MELK: variants seen among roughly 807,000 people sequenced by gnomAD.
MELK encodes pEg3 kinase.
In MELK, 81 loss-of-function variants were observed where a neutral mutation model predicts 85.0. The observed-to-expected ratio is 0.95, with a 90% confidence interval of 0.80 to 1.15. MELK has a LOEUF of 1.15. Among genes scored for constraint, MELK ranks in the 50% most tolerant of loss-of-function variants. The probability of loss-of-function intolerance (pLI) is 0.00; values close to 1 mark genes in which losing one functional copy is unlikely to be tolerated. For missense variants in MELK, 754 were observed against 777.5 expected (o/e 0.97, Z 0.36); for synonymous variants, 252 against 265.0 (o/e 0.95, Z 0.48).
chr9:36,641,503 G>C (rs892031870), intron 10 of MELK, among the ~76,000 whole-genome samples: 1 of 152,128 alleles, frequency 6.6e-6, no homozygotes. Flanking sequence ...CAGGCAGCAG[G>C]AGGGAGATGC....
intron 10 of MELK, among the ~76,000 whole-genome samples, chr9:36,638,199 GTT>G (rs563865141): frequency 6.6e-6 from 1 of 151,672 alleles, no homozygotes; most frequent in Non-Finnish European, 1.5e-5. Context: ...AACCCCAAGA[GTT>G]TTTTTTTATT....
chr9:36,594,860 T>C, intron 5 of MELK, 89 bp downstream of exon 5: 1 of 1,436,378 alleles, frequency 7.0e-7, no homozygotes, highest in Non-Finnish European at 9.3e-7. Flanking sequence ...TAGGAATCTA[T>C]CTTTGGTTTG....
intron 2 of MELK, 46 bp downstream of exon 2, chr9:36,581,785 GA>G: frequency 6.8e-7 from 1 of 1,462,388 alleles, no homozygotes; most frequent in Non-Finnish European, 9.5e-7. Context: ...TCAACTATTT[GA>G]GAGTATAGAT....
chr9:36,611,830 G>T (rs976107426), intron 8 of MELK, among the ~76,000 whole-genome samples: 4 of 151,510 alleles, frequency 2.6e-5, no homozygotes, highest in African/African-American at 9.7e-5. Context: ...CTAGAGTGCA[G>T]TGGTTAGATT....
chr9:36,625,003 G>C (rs1206440751), intron 8 of MELK, among the ~76,000 whole-genome samples: 1 of 152,144 alleles, frequency 6.6e-6, no homozygotes, highest in Non-Finnish European at 1.5e-5. Context: ...TCCTAGGGTT[G>C]TTGTAACAAA....
intron 3 of MELK, among the ~76,000 whole-genome samples, chr9:36,588,632 GC>G (rs1318782647): frequency 2.0e-5 from 3 of 152,102 alleles, no homozygotes; most frequent in Non-Finnish European, 2.9e-5. Context: ...GCCCACCTTA[GC>G]CTCCCAAAGT....
At chr9:36,633,573 A>G (rs1828849532) in intron 10 of MELK, among the ~76,000 whole-genome samples, 1 of 152,236 alleles carries the variant, frequency 6.6e-6, no homozygotes, top group Non-Finnish European at 1.5e-5. Flanking sequence ...CAGAGAAGTT[A>G]TGAGGGTACA....
intron 8 of MELK, among the ~76,000 whole-genome samples, chr9:36,611,558 C>T (rs1037911465): frequency 2.6e-5 from 4 of 152,036 alleles, no homozygotes; most frequent in African/African-American, 9.7e-5. Context: ...ATCAGAATAT[C>T]ATTGAGGTTT....
intron 4 of MELK, among the ~76,000 whole-genome samples, chr9:36,591,130 T>G (rs538200353): frequency 6.6e-6 from 1 of 152,000 alleles, no homozygotes; most frequent in Non-Finnish European, 1.5e-5. Flanking sequence ...GTTGAATGTT[T>G]TGGATCTAGA....
At chr9:36,587,463 C>G (rs1026393145) in intron 3 of MELK, among the ~76,000 whole-genome samples, 1 of 149,486 alleles carries the variant, frequency 6.7e-6, no homozygotes, top group African/African-American at 2.5e-5. Flanking sequence ...ATTACAGGTG[C>G]CTGCCACCAT....
At chr9:36,643,861 G>A (rs1288385878) in intron 11 of MELK, among the ~76,000 whole-genome samples, 1 of 151,288 alleles carries the variant, frequency 6.6e-6, no homozygotes, top group Non-Finnish European at 1.5e-5. Flanking sequence ...GTGAACCTGG[G>A]AGGCGGAGTT....
intron 1 of MELK, among the ~76,000 whole-genome samples, chr9:36,579,757 T>A (rs1822008531): frequency 6.6e-6 from 1 of 152,226 alleles, no homozygotes; most frequent in Non-Finnish European, 1.5e-5. Context: ...AGTGTGACTT[T>A]GTATATTAAT....
At chr9:36,603,387 A>AT (rs951850341) in intron 7 of MELK, among the ~76,000 whole-genome samples, 3 of 151,618 alleles carry the variant, frequency 2.0e-5, no homozygotes, top group African/African-American at 7.3e-5. Flanking sequence ...TTCTTCAGTA[A>AT]TTTTTCATGG....
intron 5 of MELK, among the ~76,000 whole-genome samples, 190 bp from the exon 6 acceptor site, chr9:36,597,032 C>T (rs1587373944): frequency 2.6e-5 from 4 of 151,836 alleles, no homozygotes; most frequent in Admixed American, 2.6e-4. Flanking sequence ...GAGACCAGGT[C>T]TTTCTGTGTT....
intron 2 of MELK, among the ~76,000 whole-genome samples, chr9:36,582,513 T>TTA (rs1465662440): frequency 7.3e-6 from 1 of 137,118 alleles, no homozygotes; most frequent in Admixed American, 6.8e-5. Flanking sequence ...GTGGGACATT[T>TTA]TACACACACA....
At chr9:36,631,103 A>ACT (rs1184680296) in intron 9 of MELK, among the ~76,000 whole-genome samples, 1 of 151,058 alleles carries the variant, frequency 6.6e-6, no homozygotes, top group African/African-American at 2.4e-5. Context: ...AGCTAGTACT[A>ACT]CAGGCGTGTG....
chr9:36,604,750 T>A (rs1006554843), intron 7 of MELK, among the ~76,000 whole-genome samples: 1 of 151,508 alleles, frequency 6.6e-6, no homozygotes, highest in African/African-American at 2.4e-5. Flanking sequence ...TTCAAGCGAT[T>A]CTCCTGCCTC....
At chr9:36,615,289 C>G (rs1251118378) in intron 8 of MELK, among the ~76,000 whole-genome samples, 1 of 123,994 alleles carries the variant, frequency 8.1e-6, no homozygotes, top group Non-Finnish European at 1.6e-5. Flanking sequence ...GCTGGCCAGG[C>G]GGGGGGCTGA....
chr9:36,618,125 TAA>T (rs557742638), intron 8 of MELK, among the ~76,000 whole-genome samples: 9 of 143,220 alleles, frequency 6.3e-5, no homozygotes, highest in African/African-American at 1.5e-4. Flanking sequence ...TCCATGTCTT[TAA>T]AAAAAAAAAA....
Sources: allele counts gnomAD v4.1 joint callset (sites outside exome capture counted in the v4.1 genomes callset), GRCh38; gene constraint gnomAD v4.1.1; transcripts MANE v1.5; gene names NCBI Gene and HGNC (gene_info 2026-07-23, HGNC 2026-07-21).